The following SLC30A6 variants were observed in gnomAD, a reference collection of about 807,000 sequenced individuals.
The protein encoded by SLC30A6 is zinc transporter 6.
SLC30A6 carries 55 observed loss-of-function variants against 63.0 expected under a neutral mutation model. That is an observed-to-expected ratio of 0.87 (90% CI 0.70 to 1.09). SLC30A6 has a LOEUF of 1.09. SLC30A6 is among the 50% of genes least tolerant of loss of function. The probability of loss-of-function intolerance (pLI) is 0.00; values close to 1 mark genes in which losing one functional copy is unlikely to be tolerated. For missense variants in SLC30A6, 587 were observed against 549.2 expected (o/e 1.07, Z -0.69); for synonymous variants, 224 against 186.1 (o/e 1.20, Z -1.66).
rs998076666 is a variant in SLC30A6, at chr2:32,171,217, A to G, written c.4-70A>G. ...GGTTATTTATATCATAGGAACCACTATATCATATCATAGGAACTCTGAAGA... is the reference window on the plus strand; with the variant it reads ...GGTTATTTATATCATAGGAACCACTGTATCATATCATAGGAACTCTGAAGA... On this transcript the variant is annotated intron_variant, in intron 1 of 13. Coordinates refer to ENST00000282587, the MANE Select transcript of SLC30A6 (RefSeq NM_017964.5). The G allele has an allele frequency of 4.6e-5, 59 of 1,277,154 alleles. 1 individual carries two copies. In the Admixed American group the frequency reaches 4.9e-4, roughly 11 times the overall value. The allele number at this position is 1,277,154 out of a possible 1,614,324, so 79.1% of individuals were successfully genotyped here.
chr2:32,206,793 G>A, intron 11 of SLC30A6, 93 bp from the exon 12 acceptor site: 4 of 973,378 alleles, frequency 4.1e-6, no homozygotes, highest in South Asian at 2.7e-5. Flanking sequence ...GCAAAGGCTG[G>A]CTTAAAATCC....
intron 1 of SLC30A6, 94 bp from the exon 2 acceptor site, chr2:32,171,193 G>C: frequency 1.0e-6 from 1 of 956,282 alleles, no homozygotes; most frequent in Non-Finnish European, 1.6e-6. Context: ...ATAAATATTG[G>C]TTATTTATAT....
In SLC30A6 at chr2:32,192,325, T is replaced by G; in HGVS notation, c.285-11T>G. ...AGAATTGTGATGATCTAATTAATGT[T>G]TTGGTTTCAGGTTTGAAAGATTAGA... On this transcript the variant is annotated splice_polypyrimidine_tract_variant and intron_variant, in intron 5 of 13. Transcript: ENST00000282587. 1 of 1,613,116 alleles carries G rather than the reference T, an allele frequency of 6.2e-7. No homozygotes were observed. The highest frequency in any genetic ancestry group is 2.2e-5 in the East Asian group (1 of 44,848).
chr2:32,206,793 G>T (rs1684812059), intron 11 of SLC30A6, 93 bp from the exon 12 acceptor site: 1 of 973,378 alleles, frequency 1.0e-6, no homozygotes, highest in Non-Finnish European at 1.7e-6. Context: ...GCAAAGGCTG[G>T]CTTAAAATCC....
chr2:32,166,761 GTGGAT>G (rs1680697222), intron 1 of SLC30A6, among the ~76,000 whole-genome samples: 1 of 152,202 alleles, frequency 6.6e-6, no homozygotes, highest in Non-Finnish European at 1.5e-5. Flanking sequence ...TTTTACTTAA[GTGGAT>G]ATGGTCGGGA....
At chr2:32,167,984 C>G (rs991935563) in intron 1 of SLC30A6, among the ~76,000 whole-genome samples, 2 of 152,154 alleles carry the variant, frequency 1.3e-5, no homozygotes, top group East Asian at 3.8e-4. Flanking sequence ...ATGTATTTCA[C>G]CCTAATTCCC....
chr2:32,203,024 TCC>T (rs1432311801), intron 10 of SLC30A6: 1 of 1,200,660 alleles, frequency 8.3e-7, no homozygotes, highest in Non-Finnish European at 1.2e-6. Context: ...TAGCCATGAA[TCC>T]ACACATAAAA....
intron 8 of SLC30A6, among the ~76,000 whole-genome samples, chr2:32,196,642 A>G (rs1383038203): frequency 6.6e-6 from 1 of 152,226 alleles, no homozygotes; most frequent in Non-Finnish European, 1.5e-5. Context: ...AAACGCTCCT[A>G]TGAGCATTTC....
At chr2:32,189,859 C>T (rs372912190) in intron 5 of SLC30A6, among the ~76,000 whole-genome samples, 1 of 151,880 alleles carries the variant, frequency 6.6e-6, no homozygotes, top group African/African-American at 2.4e-5. Flanking sequence ...TCCCACACCC[C>T]GAGTAGCTGA....
intron 4 of SLC30A6, among the ~76,000 whole-genome samples, chr2:32,177,970 T>G (rs1359262884): frequency 6.8e-6 from 1 of 146,430 alleles, no homozygotes; most frequent in Non-Finnish European, 1.5e-5. Context: ...TTTTTTGAGA[T>G]GGAGTCTCGC....
chr2:32,180,948 G>A (rs1203384379), intron 4 of SLC30A6, among the ~76,000 whole-genome samples: 2 of 152,106 alleles, frequency 1.3e-5, no homozygotes, highest in East Asian at 3.9e-4. Flanking sequence ...GTTAGCTATC[G>A]CTACATAACG....
chr2:32,192,218 A>G, intron 5 of SLC30A6, 118 bp from the exon 6 acceptor site: 1 of 820,662 alleles, frequency 1.2e-6, no homozygotes, highest in Non-Finnish European at 2.0e-6. Context: ...TGTTGGGCTC[A>G]TAGTAGACAG....
chr2:32,208,711 G>A (rs1462316046), intron 12 of SLC30A6, among the ~76,000 whole-genome samples: 3 of 150,198 alleles, frequency 2.0e-5, no homozygotes, highest in Non-Finnish European at 3.0e-5. Context: ...ACAGGGTTTC[G>A]CCATGTTGGC....
chr2:32,172,467 G>A (rs1041147805), intron 2 of SLC30A6, among the ~76,000 whole-genome samples: 2 of 151,724 alleles, frequency 1.3e-5, no homozygotes, highest in Admixed American at 6.6e-5. Context: ...TCCTTCCTCA[G>A]CCTCTTGAGT....
chr2:32,195,236 T>C (rs1365015473), intron 8 of SLC30A6, among the ~76,000 whole-genome samples: 1 of 151,988 alleles, frequency 6.6e-6, no homozygotes, highest in African/African-American at 2.4e-5. Flanking sequence ...CCTGGCTGAT[T>C]TTTGTATTTT....
chr2:32,189,597 T>C (rs989318554), intron 5 of SLC30A6, among the ~76,000 whole-genome samples: 2 of 15,178 alleles, frequency 1.3e-4, no homozygotes, highest in African/African-American at 9.0e-4. Context: ...GCACCCGGCC[T>C]TTTTTTTTTT....
chr2:32,211,156 C>T (rs1685222626), intron 13 of SLC30A6, among the ~76,000 whole-genome samples: 1 of 152,228 alleles, frequency 6.6e-6, no homozygotes. Flanking sequence ...GGGTCGCTTG[C>T]TCCTCGACTG....
intron 5 of SLC30A6, among the ~76,000 whole-genome samples, chr2:32,185,742 C>G (rs189641716): frequency 6.6e-6 from 1 of 151,910 alleles, no homozygotes; most frequent in African/African-American, 2.4e-5. Flanking sequence ...TTTTTTGAGA[C>G]GGATTCTCAC....
intron 13 of SLC30A6, among the ~76,000 whole-genome samples, chr2:32,211,802 T>C (rs1558424111): frequency 6.6e-6 from 1 of 151,820 alleles, no homozygotes; most frequent in Non-Finnish European, 1.5e-5. Flanking sequence ...TTTTTTTTAG[T>C]AGAGATGGGG....
Sources: allele counts gnomAD v4.1 joint callset (sites outside exome capture counted in the v4.1 genomes callset), GRCh38; gene constraint gnomAD v4.1.1; transcripts MANE v1.5; gene names NCBI Gene and HGNC (gene_info 2026-07-23, HGNC 2026-07-21).